The following RCAN2 variants were observed in gnomAD, a reference collection of about 807,000 sequenced individuals.
RCAN2 encodes calcipressin-2.
In RCAN2, 9 loss-of-function variants were observed where a neutral mutation model predicts 23.6. That is an observed-to-expected ratio of 0.38 (90% confidence interval 0.23 to 0.67). The LOEUF is 0.67. Ranked by LOEUF, RCAN2 falls within the 30% of genes least tolerant of loss-of-function variation. RCAN2 has a pLI of 0.51. For missense variants in RCAN2, 273 were observed against 302.3 expected, an observed-to-expected ratio of 0.90 and a Z score of 0.72; for synonymous variants, 109 against 115.7, an observed-to-expected ratio of 0.94 and a Z score of 0.37.
chr6:46,330,131 C>A (rs546964668), intron 2 of RCAN2, among the ~76,000 whole-genome samples: 118 of 152,216 alleles, frequency 7.8e-4, no homozygotes, highest in Non-Finnish European at 1.3e-3. Context: ...TTCATGTATC[C>A]ACCACCCAGG....
chr6:46,220,840 T>C lies in RCAN2; in HGVS notation c.*2301A>G, dbSNP rs190025688. On this transcript the variant is annotated 3_prime_UTR_variant, in exon 5 of 5. Coordinates refer to ENST00000371374, the MANE Select transcript of RCAN2 (RefSeq NM_001251974.2). The stretch of plus-strand genomic sequence containing the variant: ...CCCTTCCCCTTCATTGTTAAAGTTT[T>C]CAAACTTAAAATAGTGCTAAAGAGA... 1 of 152,690 alleles carries C rather than the reference T, an allele frequency of 6.5e-6. No homozygotes were observed. Among genetic ancestry groups the C allele is most frequent in the African/African-American group, 2.4e-5 (1 of 41,458 alleles). 9.5% of individuals were successfully genotyped at this position (152,690 alleles called of 1,614,324 possible).
At chr6:46,429,914 T>C (rs1767141423) in intron 2 of RCAN2, among the ~76,000 whole-genome samples, 1 of 152,150 alleles carries the variant, frequency 6.6e-6, no homozygotes, top group East Asian at 1.9e-4. Flanking sequence ...CCTGGGAATA[T>C]GACAACAGTT....
At chr6:46,243,201 G>A (rs1489414718) in intron 4 of RCAN2, among the ~76,000 whole-genome samples, 4 of 152,210 alleles carry the variant, frequency 2.6e-5, no homozygotes, top group African/African-American at 7.2e-5. Flanking sequence ...TTAATTTAAC[G>A]TCTGATATTT....
chr6:46,424,624 A>C (rs990894099), intron 2 of RCAN2, among the ~76,000 whole-genome samples: 4 of 151,956 alleles, frequency 2.6e-5, no homozygotes, highest in African/African-American at 9.7e-5. Flanking sequence ...TATCTGCCAC[A>C]CACCCCTACT....
At chr6:46,425,900 T>TTTC (rs1767018888) in intron 2 of RCAN2, among the ~76,000 whole-genome samples, 1 of 139,856 alleles carries the variant, frequency 7.2e-6, no homozygotes, top group African/African-American at 3.0e-5. Context: ...TTCTTTCTTT[T>TTTC]TTTTTTTTTT....
intron 2 of RCAN2, among the ~76,000 whole-genome samples, chr6:46,256,812 A>G (rs1308726822): frequency 6.6e-6 from 1 of 152,280 alleles, no homozygotes; most frequent in Non-Finnish European, 1.5e-5. Context: ...AGAAACATAC[A>G]TTGAAGCCAA....
intron 2 of RCAN2, among the ~76,000 whole-genome samples, chr6:46,398,375 T>C (rs1766151710): frequency 6.6e-6 from 1 of 152,172 alleles, no homozygotes; most frequent in Non-Finnish European, 1.5e-5. Context: ...TCTTCCAAAC[T>C]CTGGTGAGTG....
intron 2 of RCAN2, among the ~76,000 whole-genome samples, chr6:46,344,399 G>C (rs1261335491): frequency 1.3e-5 from 2 of 152,040 alleles, no homozygotes; most frequent in Non-Finnish European, 2.9e-5. Flanking sequence ...AGGAAGGGAA[G>C]AAGAGGACTG....
chr6:46,341,183 G>A (rs1269221093), intron 2 of RCAN2, among the ~76,000 whole-genome samples: 1 of 152,180 alleles, frequency 6.6e-6, no homozygotes, highest in Non-Finnish European at 1.5e-5. Flanking sequence ...TTGTCAAGCT[G>A]CAGGCTGCCA....
intron 4 of RCAN2, among the ~76,000 whole-genome samples, chr6:46,224,811 T>C (rs1001315942): frequency 2.0e-5 from 3 of 152,112 alleles, no homozygotes; most frequent in African/African-American, 7.2e-5. Flanking sequence ...TATTATACTT[T>C]AACTTCTAGG....
intron 2 of RCAN2, among the ~76,000 whole-genome samples, chr6:46,431,209 A>T (rs141602718): frequency 3.9e-5 from 6 of 152,132 alleles, no homozygotes; most frequent in African/African-American, 1.4e-4. Flanking sequence ...TTTTAAAAAA[A>T]AAAACTATTT....
At chr6:46,296,087 GTGTGTGTGTGTGTGTGTC>G (rs1475913736) in intron 2 of RCAN2, among the ~76,000 whole-genome samples, 1 of 150,350 alleles carries the variant, frequency 6.7e-6, no homozygotes, top group African/African-American at 2.5e-5. Context: ...GTGTGTGTGT[GTGTGTGTGTGTGTGTGTC>G]TGTGTGTGTG....
intron 2 of RCAN2, among the ~76,000 whole-genome samples, chr6:46,331,366 T>C (rs1763967011): frequency 1.3e-5 from 2 of 152,178 alleles, no homozygotes; most frequent in Non-Finnish European, 1.5e-5. Context: ...GAGGGTTTTT[T>C]CATTTTTATT....
chr6:46,418,186 T>C (rs1766765595), intron 2 of RCAN2, among the ~76,000 whole-genome samples: 1 of 151,734 alleles, frequency 6.6e-6, no homozygotes, highest in African/African-American at 2.4e-5. Flanking sequence ...CTAACGTCCA[T>C]TATAAGGTCA....
chr6:46,330,895 C>T (rs147544024), intron 2 of RCAN2, among the ~76,000 whole-genome samples: 148 of 152,232 alleles, frequency 9.7e-4, no homozygotes, highest in African/African-American at 3.4e-3. Context: ...TTGTTTAGAT[C>T]CAGATGCTTA....
At chr6:46,252,609 GTAA>G (rs910331706) in intron 2 of RCAN2, among the ~76,000 whole-genome samples, 5 of 151,990 alleles carry the variant, frequency 3.3e-5, no homozygotes, top group African/African-American at 4.8e-5. Flanking sequence ...CTATTTAAAA[GTAA>G]TAATAATAAG....
In RCAN2 at chr6:46,227,439, A is replaced by G. The variant is rs182677995; in HGVS notation, c.572-4138T>C. Reference sequence around the variant, plus strand: ...CTGGACTTTTTTTGGTTCGTAGGCTATCAATTATTGCCTCAATTTCAGAGC... The same window carrying G: ...CTGGACTTTTTTTGGTTCGTAGGCTGTCAATTATTGCCTCAATTTCAGAGC... On this transcript the variant is annotated intron_variant, in intron 4 of 4. Coordinates refer to ENST00000371374, the MANE Select transcript of RCAN2 (RefSeq NM_001251974.2). Among the ~76,000 whole-genome samples the G allele has an allele frequency of 1.6e-3, 247 of 152,286 alleles. 2 individuals carry two copies. The highest frequency in any genetic ancestry group is 5.5e-3 in the African/African-American group (230 of 41,552).
At chr6:46,262,838 T>C (rs1239228992) in intron 2 of RCAN2, among the ~76,000 whole-genome samples, 1 of 152,178 alleles carries the variant, frequency 6.6e-6, no homozygotes, top group East Asian at 1.9e-4. Flanking sequence ...CTGCAAGCCT[T>C]CTCATTTGCC....
intron 1 of RCAN2, among the ~76,000 whole-genome samples, chr6:46,475,845 T>C (rs1262468833): frequency 2.6e-5 from 4 of 152,238 alleles, no homozygotes; most frequent in Non-Finnish European, 4.4e-5. Flanking sequence ...TGAACAACCA[T>C]GATCCCTGCC....
Sources: gnomAD v4.1 joint callset for allele counts (sites outside exome capture counted in the v4.1 genomes callset) on GRCh38, gnomAD v4.1.1 for gene constraint, MANE v1.5 for transcripts, NCBI Gene and HGNC (gene_info 2026-07-23, HGNC 2026-07-21) for gene names.